CMTM8: variants seen among roughly 807,000 people sequenced by gnomAD.
The protein encoded by CMTM8 is CKLF-like MARVEL transmembrane domain-containing protein 8.
Under a neutral mutation model 18.6 loss-of-function variants are expected in CMTM8, and 12 were observed. The observed-to-expected ratio is 0.65, with a 90% CI of 0.41 to 1.05. The LOEUF (loss-of-function observed/expected upper bound fraction) is 1.05. Ranked by LOEUF, CMTM8 falls within the 50% of genes least tolerant of loss-of-function variation. CMTM8 has a pLI of 0.00. For missense variants in CMTM8, 217 were observed against 227.2 expected (o/e 0.95, Z 0.29); for synonymous variants, 87 against 90.6 (o/e 0.96, Z 0.23).
chr3:32,266,706 C>T (rs1283398913), intron 1 of CMTM8, among the ~76,000 whole-genome samples: 2 of 152,158 alleles, frequency 1.3e-5, no homozygotes, highest in African/African-American at 2.4e-5. Flanking sequence ...TAGAAAACCC[C>T]ATCATCTCAG....
intron 1 of CMTM8, among the ~76,000 whole-genome samples, chr3:32,294,921 G>C (rs1298081786): frequency 6.6e-6 from 1 of 151,974 alleles, no homozygotes; most frequent in Non-Finnish European, 1.5e-5. Flanking sequence ...TGGGTGTGGT[G>C]GTGCACACCT....
At chr3:32,254,476 T>C (rs1218520823) in intron 1 of CMTM8, among the ~76,000 whole-genome samples, 7 of 152,208 alleles carry the variant, frequency 4.6e-5, no homozygotes, top group African/African-American at 1.7e-4. Context: ...CACATTTATA[T>C]TTATTGTGAT....
At chr3:32,341,072 T>C (rs1696482015) in intron 1 of CMTM8, among the ~76,000 whole-genome samples, 2 of 152,238 alleles carry the variant, frequency 1.3e-5, no homozygotes, top group African/African-American at 4.8e-5. Flanking sequence ...TTAGTTGCCA[T>C]CCTGTTTTCC....
At chr3:32,306,514 C>G (rs1218058588) in intron 1 of CMTM8, among the ~76,000 whole-genome samples, 1 of 152,204 alleles carries the variant, frequency 6.6e-6, no homozygotes, top group African/African-American at 2.4e-5. Flanking sequence ...CACCTTTTGC[C>G]TATTCACTCT....
At chr3:32,319,074 A>ATATATATATATATATATATTTTT in intron 1 of CMTM8, among the ~76,000 whole-genome samples, 3 of 31,526 alleles carry the variant, frequency 9.5e-5, no homozygotes, top group African/African-American at 3.1e-4. Flanking sequence ...ATATATATAT[A>ATATATATATATATATATATTTTT]TTTTTTTTTT....
At chr3:32,280,189 G>C (rs984486030) in intron 1 of CMTM8, among the ~76,000 whole-genome samples, 3 of 152,092 alleles carry the variant, frequency 2.0e-5, no homozygotes, top group South Asian at 2.1e-4. Flanking sequence ...CATAAGTGAG[G>C]GGGGAGAATA....
At chr3:32,320,784 A>G (rs915236510) in intron 1 of CMTM8, among the ~76,000 whole-genome samples, 2 of 152,176 alleles carry the variant, frequency 1.3e-5, no homozygotes, top group African/African-American at 4.8e-5. Flanking sequence ...ATAAGGGTGC[A>G]GGAAAACTGG....
rs752203964 is a variant in CMTM8, at chr3:32,298,085, G to T, written c.147+58966G>T. On this transcript the variant is annotated intron_variant, in intron 1 of 3. Transcript: ENST00000307526. ...TTTTTTTTTTTTTTTGGTTGGGGGT[G>T]GGGGGCAGTGGCTGGAGTCTCGTTC... 6.0e-5 allele frequency among the ~76,000 whole-genome samples: 9 copies of T among 150,268 alleles called. No homozygotes were observed. The South Asian group carries it at 6.3e-4, about 10-fold the overall frequency.
chr3:32,277,263 C>CA (rs2125547452), intron 1 of CMTM8, among the ~76,000 whole-genome samples: 1 of 152,306 alleles, frequency 6.6e-6, no homozygotes, highest in Admixed American at 6.5e-5. Flanking sequence ...ATAAAGGCTA[C>CA]TGGTGTCCAG....
chr3:32,357,382 C>G lies in CMTM8; in HGVS notation c.157C>G (p.Leu53Val), dbSNP rs1314871779. Reference sequence around the variant, plus strand: ...TTCTACCACTTTACAGGTTCTGGGGCTGCTGGTATGGACGCTTATTGCTGG... The same window carrying G: ...TTCTACCACTTTACAGGTTCTGGGGGTGCTGGTATGGACGCTTATTGCTGG... Reference protein sequence around the residue: ...FLIVAEIVLGLLVWTLIAGTE... With the variant: ...FLIVAEIVLGVLVWTLIAGTE... The change falls in exon 2 of 4, where the codon CTG (leucine) becomes GTG (valine). Residue 53 changes from leucine to valine, a missense_variant. Leu to Val is a conservative substitution (Grantham distance 32). Transcript: ENST00000307526. The G allele has an allele frequency of 6.2e-7, 1 of 1,613,650 alleles. No homozygotes were observed. Among genetic ancestry groups the G allele is most frequent in the South Asian group, 1.1e-5 (1 of 91,054 alleles).
intron 2 of CMTM8, among the ~76,000 whole-genome samples, chr3:32,362,700 A>T (rs565786354): frequency 6.6e-6 from 1 of 152,338 alleles, no homozygotes; most frequent in Admixed American, 6.5e-5. Context: ...AGTTCTAAAG[A>T]GTCCCATTTG....
intron 1 of CMTM8, among the ~76,000 whole-genome samples, chr3:32,315,125 C>CT (rs199887965): frequency 0.076 from 10,907 of 143,592 alleles, 547 homozygotes; most frequent in Non-Finnish European, 0.11. Context: ...TCTTCTTCTT[C>CT]TTCTTTTTTT....
intron 1 of CMTM8, among the ~76,000 whole-genome samples, chr3:32,289,671 G>A (rs1297535249): frequency 6.6e-6 from 1 of 152,132 alleles, no homozygotes; most frequent in Non-Finnish European, 1.5e-5. Context: ...AGAAAATGTG[G>A]GACCAGCCAC....
At chr3:32,336,973 G>A (rs1696401704) in intron 1 of CMTM8, among the ~76,000 whole-genome samples, 1 of 152,098 alleles carries the variant, frequency 6.6e-6, no homozygotes, top group Non-Finnish European at 1.5e-5. Context: ...CCTTTTTGCT[G>A]GTGGGGACTC....
intron 1 of CMTM8, among the ~76,000 whole-genome samples, chr3:32,293,675 G>A (rs1023895935): frequency 2.6e-5 from 4 of 151,976 alleles, no homozygotes; most frequent in East Asian, 1.9e-4. Flanking sequence ...GAGAAACCTC[G>A]TCTCTACTAA....
intron 1 of CMTM8, among the ~76,000 whole-genome samples, chr3:32,321,301 C>T (rs896807710): frequency 1.2e-4 from 18 of 152,060 alleles, no homozygotes; most frequent in Non-Finnish European, 8.8e-5. Flanking sequence ...ATGTAGAAAA[C>T]CATGGTGGGA....
intron 1 of CMTM8, among the ~76,000 whole-genome samples, chr3:32,298,870 TAC>T (rs1242215585): frequency 6.2e-5 from 9 of 145,190 alleles, no homozygotes; most frequent in East Asian, 2.0e-4. Context: ...CACATATATA[TAC>T]ACACACATAC....
chr3:32,362,046 C>CTTTTTTTTTTTTTTTTTTTTTTTTTT (rs60064096), intron 2 of CMTM8, among the ~76,000 whole-genome samples: 3 of 92,064 alleles, frequency 3.3e-5, no homozygotes, highest in East Asian at 3.1e-4. Flanking sequence ...ATTTTCTTTT[C>CTTTTTTTTTTTTTTTTTTTTTTTTTT]TTTTTTTTTT....
intron 1 of CMTM8, among the ~76,000 whole-genome samples, chr3:32,282,498 AC>A (rs996747987): frequency 6.6e-6 from 1 of 152,100 alleles, no homozygotes; most frequent in African/African-American, 2.4e-5. Context: ...AAAAATATAT[AC>A]CCAGAATGTT....
Sources: allele counts gnomAD v4.1 joint callset (sites outside exome capture counted in the v4.1 genomes callset), GRCh38; gene constraint gnomAD v4.1.1; transcripts MANE v1.5; gene names NCBI Gene and HGNC (gene_info 2026-07-23, HGNC 2026-07-21).